Variants in IGSF11 observed in about 807,000 individuals in gnomAD.
The protein encoded by IGSF11 is immunoglobulin superfamily member 11, also known as CXADR like 1.
Under a neutral mutation model 41.0 loss-of-function variants are expected in IGSF11, and 22 were observed. The ratio of observed to expected loss-of-function variants is 0.54; its 90% CI spans 0.38 to 0.77. The LOEUF is 0.77. Among genes scored for constraint, IGSF11 ranks in the 30% least tolerant of loss-of-function variants. The pLI, the probability that IGSF11 is intolerant of heterozygous loss-of-function variation, is 0.00. For missense variants in IGSF11, 444 were observed against 530.8 expected (o/e 0.84, Z 1.61); for synonymous variants, 219 against 201.3 (o/e 1.09, Z -0.74).
At chr3:118,935,102 G>A (rs989461867) in intron 1 of IGSF11, among the ~76,000 whole-genome samples, 5 of 151,448 alleles carry the variant, frequency 3.3e-5, no homozygotes, top group African/African-American at 7.3e-5. Flanking sequence ...CATACCTTGC[G>A]ATTATATAAC....
intron 1 of IGSF11, among the ~76,000 whole-genome samples, chr3:118,978,193 G>A (rs890912665): frequency 2.6e-5 from 4 of 152,098 alleles, no homozygotes; most frequent in Non-Finnish European, 5.9e-5. Context: ...ACTGCCCGTG[G>A]CACCTGAGCA....
chr3:119,139,763 C>T (rs1394841549), intron 1 of IGSF11, among the ~76,000 whole-genome samples: 1 of 152,190 alleles, frequency 6.6e-6, no homozygotes, highest in Non-Finnish European at 1.5e-5. Context: ...CTCTTTCCTT[C>T]TCCTACCTGT....
At chr3:118,925,009 C>T (rs1284808489) in intron 4 of IGSF11, among the ~76,000 whole-genome samples, 1 of 152,076 alleles carries the variant, frequency 6.6e-6, no homozygotes, top group East Asian at 1.9e-4. Context: ...ATTTAGCCAA[C>T]AATGTGGCTG....
At chr3:119,018,030 T>C (rs919128436) in intron 1 of IGSF11, among the ~76,000 whole-genome samples, 1 of 152,174 alleles carries the variant, frequency 6.6e-6, no homozygotes, top group African/African-American at 2.4e-5. Context: ...ACCTACACTG[T>C]CTAACCCAAG....
intron 1 of IGSF11, among the ~76,000 whole-genome samples, chr3:119,020,889 TAC>T (rs1387595477): frequency 6.6e-6 from 1 of 152,218 alleles, no homozygotes; most frequent in African/African-American, 2.4e-5. Flanking sequence ...AAACTGTAAC[TAC>T]AGTTATAATT....
intron 1 of IGSF11, among the ~76,000 whole-genome samples, chr3:118,940,748 T>A (rs574966546): frequency 6.6e-6 from 1 of 152,016 alleles, no homozygotes; most frequent in South Asian, 2.1e-4. Flanking sequence ...TAAAGTAATA[T>A]AGATAAAGTA....
chr3:118,911,975 T>A (rs909285810), intron 4 of IGSF11, among the ~76,000 whole-genome samples: 1 of 152,172 alleles, frequency 6.6e-6, no homozygotes, highest in African/African-American at 2.4e-5. Flanking sequence ...CTCTCTTCAC[T>A]GTATTAAATT....
chr3:119,003,624 T>C (rs1249203487), intron 1 of IGSF11, among the ~76,000 whole-genome samples: 1 of 151,726 alleles, frequency 6.6e-6, no homozygotes, highest in African/African-American at 2.4e-5. Context: ...CTTATTATTT[T>C]GAAATATGTC....
chr3:119,082,315 C>A (rs1283750962), intron 1 of IGSF11, among the ~76,000 whole-genome samples: 1 of 152,144 alleles, frequency 6.6e-6, no homozygotes, highest in Non-Finnish European at 1.5e-5. Flanking sequence ...CCACACTTAA[C>A]TACAGATTGG....
At chr3:119,047,411 T>A (rs1673024665) in intron 1 of IGSF11, among the ~76,000 whole-genome samples, 1 of 152,148 alleles carries the variant, frequency 6.6e-6, no homozygotes, top group African/African-American at 2.4e-5. Context: ...GGCCATTACA[T>A]AATGGTAAAG....
At chr3:119,057,774 G>A (rs1441106992) in intron 1 of IGSF11, among the ~76,000 whole-genome samples, 1 of 152,154 alleles carries the variant, frequency 6.6e-6, no homozygotes, top group African/African-American at 2.4e-5. Context: ...CCAAAACAGA[G>A]ATACAGACCA....
intron 1 of IGSF11, among the ~76,000 whole-genome samples, chr3:119,127,320 G>A (rs1320198521): frequency 3.1e-4 from 45 of 144,028 alleles, no homozygotes; most frequent in African/African-American, 1.0e-3. Flanking sequence ...ATGCAGACAA[G>A]AATTAAAAAA....
intron 1 of IGSF11, among the ~76,000 whole-genome samples, chr3:119,079,122 C>T (rs932618324): frequency 3.3e-5 from 5 of 152,204 alleles, no homozygotes; most frequent in Admixed American, 2.6e-4. Flanking sequence ...CTTTGGGAAG[C>T]CGAAGTGGGC....
intron 1 of IGSF11, among the ~76,000 whole-genome samples, chr3:119,016,146 A>G (rs1403500783): frequency 6.6e-6 from 1 of 152,226 alleles, no homozygotes; most frequent in African/African-American, 2.4e-5. Flanking sequence ...GCTGGGCCAG[A>G]GCCAGGAAGG....
intron 4 of IGSF11, among the ~76,000 whole-genome samples, chr3:118,908,030 G>C (rs1048929924): frequency 6.6e-6 from 1 of 152,050 alleles, no homozygotes; most frequent in Non-Finnish European, 1.5e-5. Context: ...TGTGTTCCTG[G>C]GGTTTTTGTT....
At chr3:119,045,783 G>A (rs1027958567) in intron 1 of IGSF11, among the ~76,000 whole-genome samples, 5 of 151,776 alleles carry the variant, frequency 3.3e-5, no homozygotes, top group African/African-American at 4.8e-5. Context: ...CTCCCAGCAC[G>A]CAGCTGGAGA....
chr3:119,101,663 C>T (rs6784018), intron 1 of IGSF11, among the ~76,000 whole-genome samples: 13,675 of 151,626 alleles, frequency 0.09, 1,322 homozygotes, highest in African/African-American at 0.24. Context: ...ATGGGAACTT[C>T]CTTGATTCAC....
chr3:118,931,025 C>CAT (rs1160485887), intron 1 of IGSF11, among the ~76,000 whole-genome samples: 1 of 152,090 alleles, frequency 6.6e-6, no homozygotes, highest in Non-Finnish European at 1.5e-5. Context: ...TAAGGATAGA[C>CAT]ATATAGATAA....
At chr3:118,988,870 C>G (rs542381878) in intron 1 of IGSF11, among the ~76,000 whole-genome samples, 1 of 152,304 alleles carries the variant, frequency 6.6e-6, no homozygotes, top group Non-Finnish European at 1.5e-5. Flanking sequence ...ATCAGCAAAA[C>G]TGAAGCACGT....
Sources: allele counts gnomAD v4.1 joint callset (sites outside exome capture counted in the v4.1 genomes callset), GRCh38; gene constraint gnomAD v4.1.1; transcripts MANE v1.5; gene names NCBI Gene and HGNC (gene_info 2026-07-23, HGNC 2026-07-21).